Variants in PMF1 observed in about 807,000 individuals in gnomAD.
PMF1 encodes polyamine modulated factor 1.
PMF1 carries 21 observed loss-of-function variants against 26.7 expected under a neutral mutation model. The ratio of observed to expected loss-of-function variants is 0.79; its 90% CI spans 0.56 to 1.13. PMF1 has a LOEUF of 1.13. Among genes scored for constraint, PMF1 ranks in the 50% most tolerant of loss-of-function variants. The probability of loss-of-function intolerance (pLI) is 0.00; values close to 1 mark genes in which losing one functional copy is unlikely to be tolerated. For missense variants in PMF1, 266 were observed against 254.9 expected, an observed-to-expected ratio of 1.04 and a Z score of -0.30; for synonymous variants, 105 against 101.0, an observed-to-expected ratio of 1.04 and a Z score of -0.24.
chr1:156,239,530 G>T lies in PMF1; in HGVS notation c.565-18G>T. Reference sequence around the variant, plus strand: ...TTTCTTAGATCCCAGTTTGTCTGTTGTCTCCCATTGATTTCAGGCTCTACA... The same window carrying T: ...TTTCTTAGATCCCAGTTTGTCTGTTTTCTCCCATTGATTTCAGGCTCTACA... On this transcript the variant is annotated intron_variant, in intron 4 of 4. Transcript: ENST00000368277. The T allele has an allele frequency of 6.2e-7, 1 of 1,610,490 alleles. No homozygotes were observed. Among genetic ancestry groups the T allele is most frequent in the Non-Finnish European group, 8.5e-7 (1 of 1,177,416 alleles).
chr1:156,220,083 C>T (rs536027361), intron 1 of PMF1, among the ~76,000 whole-genome samples: 1 of 152,198 alleles, frequency 6.6e-6, no homozygotes, highest in East Asian at 1.9e-4. Context: ...CCTGCCTCAG[C>T]CTCCCGGGTA....
At chr1:156,230,116 G>C (rs992788760) in intron 1 of PMF1, among the ~76,000 whole-genome samples, 2 of 152,192 alleles carry the variant, frequency 1.3e-5, no homozygotes, top group Non-Finnish European at 2.9e-5. Context: ...GTGACTCCCT[G>C]GCTAGGGGTG....
chr1:156,235,764 C>G (rs1658976544), intron 3 of PMF1, among the ~76,000 whole-genome samples: 1 of 152,216 alleles, frequency 6.6e-6, no homozygotes, highest in South Asian at 2.1e-4. Flanking sequence ...TTAAAGAACT[C>G]ACAGTGCTTT....
chr1:156,236,299 G>A lies in PMF1; in HGVS notation c.380G>A (p.Gly127Glu). Reference protein sequence around the residue: ...VRKEPAWRPSGIPEKDLHSVM... With the variant: ...VRKEPAWRPSEIPEKDLHSVM... ...GTGTGGCCCTCCAGGCGCCCCAGCG[G>A]GATCCCAGAGAAGGATCTGCACAGT... is the stretch of plus-strand genomic sequence containing the variant. Residue 127 changes from glycine (G) to glutamate (E), a missense_variant, in exon 4 of 5, where the codon GGG becomes GAG. Physicochemically the swap from Gly to Glu is moderately conservative, Grantham distance 98. Transcript: ENST00000368277. 6.2e-7 allele frequency: 1 copy of A among 1,608,548 alleles called. No homozygotes were observed. The highest frequency in any genetic ancestry group is 8.5e-7 in the Non-Finnish European group (1 of 1,175,356).
At position 156,214,101 on chromosome 1, in the gene PMF1, A is replaced by G. The variant is rs541183245; in HGVS notation, c.161+925A>G. The stretch of plus-strand genomic sequence containing the variant: ...TAATTTTTTGTATCTGTACTAGTAG[A>G]GACGAGGTTTCACCATGTTGGCCAG... On this transcript the variant is annotated intron_variant, in intron 1 of 4. Transcript: ENST00000368277. Among the ~76,000 whole-genome samples, 149 of 152,230 alleles carry G rather than the reference A, an allele frequency of 9.8e-4. 1 individual carries two copies. Among genetic ancestry groups the G allele is most frequent in the African/African-American group, 3.5e-3 (144 of 41,532 alleles).
chr1:156,228,663 C>T (rs1658524421), intron 1 of PMF1, among the ~76,000 whole-genome samples: 1 of 152,110 alleles, frequency 6.6e-6, no homozygotes, highest in Non-Finnish European at 1.5e-5. Flanking sequence ...CAGCTCAGAC[C>T]CTCCGCCTGC....
chr1:156,233,705 C>A lies in PMF1; in HGVS notation c.345C>A (p.Gly115=). The change falls in exon 3 of 5, where the codon GGC becomes GGA. Residue 115 remains glycine (G), a synonymous_variant. Transcript: ENST00000368277. Reference sequence around the variant, plus strand: ...CCTTGGATAAAATTGTGGAAGAAGGCAAAGTCCGCAAAGAGCCAGCCTGGT... The same window carrying A: ...CCTTGGATAAAATTGTGGAAGAAGGAAAAGTCCGCAAAGAGCCAGCCTGGT... ...LNALDKIVEE[G]KVRKEPAWRP... 4 of 1,612,842 alleles carry A rather than the reference C, an allele frequency of 2.5e-6. No individual in the cohort carries two copies. Among genetic ancestry groups the A allele is most frequent in the Non-Finnish European group, 3.4e-6 (4 of 1,179,602 alleles).
chr1:156,227,509 T>A (rs551716159), intron 1 of PMF1, among the ~76,000 whole-genome samples: 30 of 151,202 alleles, frequency 2.0e-4, no homozygotes, highest in Middle Eastern at 3.4e-3. Flanking sequence ...ATTTTATTTT[T>A]TTTTTGAGAC....
rs547808940 is a variant in PMF1, at chr1:156,229,353, C to A, written c.162-2967C>A. Among the ~76,000 whole-genome samples, 113 of 151,778 alleles carry A rather than the reference C, an allele frequency of 7.4e-4. 1 individual carries two copies. Among genetic ancestry groups the A allele is most frequent in the Admixed American group, 4.0e-3 (61 of 15,208 alleles). ...AACCAGCTCTCTGAAAAGAGAGCCC[C>A]GGTTTGCAGTGTTTGCCAATTTCCA... On this transcript the variant is annotated intron_variant, in intron 1 of 4. Coordinates refer to ENST00000368277, the MANE Select transcript of PMF1 (RefSeq NM_007221.4).
chr1:156,218,701 G>C (rs1353800341), intron 1 of PMF1, among the ~76,000 whole-genome samples: 1 of 152,060 alleles, frequency 6.6e-6, no homozygotes, highest in Non-Finnish European at 1.5e-5. Flanking sequence ...AGAATTGCTT[G>C]AACCTGGGAG....
At chr1:156,238,925 G>A (rs759424043) in intron 4 of PMF1, among the ~76,000 whole-genome samples, 4 of 150,346 alleles carry the variant, frequency 2.7e-5, no homozygotes, top group Non-Finnish European at 5.9e-5. Flanking sequence ...GCACAGCTCC[G>A]AGTTGTGTCT....
In PMF1 at chr1:156,225,630, T is replaced by C. The variant is rs1238606584; in HGVS notation, c.162-6690T>C. On this transcript the variant is annotated intron_variant, in intron 1 of 4. Transcript: ENST00000368277. The stretch of plus-strand genomic sequence containing the variant: ...TGGTGGACAGTCTGTGAAACAGGCC[T>C]TCAGTTGGGCGGCGTGCAGGTTACC... 1.3e-6 allele frequency: 2 copies of C among 1,563,404 alleles called. No individual in the cohort carries two copies. Among genetic ancestry groups the C allele is most frequent in the Non-Finnish European group, 1.7e-6 (2 of 1,153,728 alleles).
rs571289574 is a variant in PMF1 at position 156,236,517 on chromosome 1, C to T, written c.564+34C>T. The T allele has an allele frequency of 1.9e-6, 3 of 1,562,574 alleles. No individual in the cohort carries two copies. The South Asian group carries it at 3.5e-5, about 18-fold the overall frequency. On this transcript the variant is annotated intron_variant, in intron 4 of 4. Coordinates refer to ENST00000368277, the MANE Select transcript of PMF1 (RefSeq NM_007221.4). Reference sequence around the variant, plus strand: ...CCCAGCCTGCCTCTTCCTCTTCCTTCTCTAATGGGCCCTCTGAGATCCGCA... The same window carrying T: ...CCCAGCCTGCCTCTTCCTCTTCCTTTTCTAATGGGCCCTCTGAGATCCGCA...
At chr1:156,237,510 G>C (rs79806341) in intron 4 of PMF1, among the ~76,000 whole-genome samples, 4 of 140,736 alleles carry the variant, frequency 2.8e-5, no homozygotes, top group African/African-American at 1.0e-4. Flanking sequence ...GCAGTGGCAC[G>C]ATCTCAGCTC....
Position 156,232,384 on chromosome 1 carries a change from A to C in PMF1, c.226A>C (p.Ile76Leu). 1 of 1,614,014 alleles carries C rather than the reference A, an allele frequency of 6.2e-7. No homozygotes were observed. The highest frequency in any genetic ancestry group is 8.5e-7 in the Non-Finnish European group (1 of 1,179,882). Residue 76 changes from isoleucine (I) to leucine (L), a missense_variant, in exon 2 of 5, where the codon ATC (isoleucine) becomes CTC (leucine). Ile to Leu is a conservative substitution (Grantham distance 5). Transcript: ENST00000368277. The stretch of plus-strand genomic sequence containing the variant: ...GTTGCAGCCTGCGATGACACAGCAA[A>C]TCTATGACAAGTTTATAGCTCAGTT... ...YQLQPAMTQQ[I>L]YDKFIAQLQT...
chr1:156,217,098 G>A (rs1011154243), intron 1 of PMF1, among the ~76,000 whole-genome samples: 4 of 151,276 alleles, frequency 2.6e-5, no homozygotes, highest in African/African-American at 4.9e-5. Flanking sequence ...TTGGGGGAGC[G>A]GGGAGGGATA....
intron 3 of PMF1, 118 bp downstream of exon 3, chr1:156,233,846 C>A: frequency 2.7e-5 from 26 of 956,310 alleles, no homozygotes; most frequent in South Asian, 2.6e-4. Context: ...AAACTCCTGG[C>A]CTTAAGCTGT....
chr1:156,214,875 A>ATT (rs1277094156), intron 1 of PMF1, among the ~76,000 whole-genome samples: 73 of 149,376 alleles, frequency 4.9e-4, no homozygotes, highest in African/African-American at 1.7e-3. Flanking sequence ...TATTATTATT[A>ATT]TTATTATTAT....
chr1:156,221,191 C>A (rs192409394), intron 1 of PMF1, among the ~76,000 whole-genome samples: 1 of 152,166 alleles, frequency 6.6e-6, no homozygotes, highest in African/African-American at 2.4e-5. Context: ...TGAAAGCCTT[C>A]GGTGACTGTC....
Sources: allele counts gnomAD v4.1 joint callset (sites outside exome capture counted in the v4.1 genomes callset), GRCh38; gene constraint gnomAD v4.1.1; transcripts MANE v1.5; gene names NCBI Gene and HGNC (gene_info 2026-07-23, HGNC 2026-07-21).